Variants in INPP5A observed in about 807,000 individuals in gnomAD.
The protein encoded by INPP5A is inositol polyphosphate-5-phosphatase A, also known as 43 kDa inositol polyphosphate 5-phophatase.
Under a neutral mutation model 65.2 loss-of-function variants are expected in INPP5A, and 14 were observed. That is an observed-to-expected ratio of 0.21 (90% confidence interval 0.14 to 0.34). The LOEUF is 0.34. Among genes scored for constraint, INPP5A ranks in the 10% least tolerant of loss-of-function variants. INPP5A has a pLI of 1.00. For missense variants in INPP5A, 431 were observed against 545.6 expected (o/e 0.79, Z 2.09); for synonymous variants, 207 against 208.3 (o/e 0.99, Z 0.05).
At position 132,537,989 on chromosome 10, in the gene INPP5A, C is replaced by T. The variant is rs2070860785; in HGVS notation, c.-108C>T. The T allele has an allele frequency of 1.4e-5, 5 of 346,086 alleles. No individual in the cohort carries two copies. Among genetic ancestry groups the T allele is most frequent in the African/African-American group, 4.5e-5 (2 of 44,390 alleles). The allele number at this position is 346,086 out of a possible 1,614,324, so 21.4% of individuals were successfully genotyped here. A position where few individuals can be genotyped will look rare whatever the true frequency, so the allele number is the denominator to read the frequency against. ...CGCGATGCGCCCCGGGGCCGCCCCC[C>T]GGCGCAGCTGACGCCCCGCGGCCCC... On this transcript the variant is annotated 5_prime_UTR_variant, in exon 1 of 16. Coordinates refer to ENST00000368594, the MANE Select transcript of INPP5A (RefSeq NM_005539.5).
rs1398034519 is a variant in INPP5A at position 132,651,023 on chromosome 10, A to T, written c.306+518A>T. Among the ~76,000 whole-genome samples, 1 of 151,946 alleles carries T rather than the reference A, an allele frequency of 6.6e-6. No individual in the cohort carries two copies. Among genetic ancestry groups the T allele is most frequent in the African/African-American group, 2.4e-5 (1 of 41,348 alleles). On this transcript the variant is annotated intron_variant, in intron 4 of 15. Coordinates refer to ENST00000368594, the MANE Select transcript of INPP5A (RefSeq NM_005539.5). The surrounding 1 kb of genome is among the most constrained non-coding windows in gnomAD (Gnocchi z 5.0). Reference sequence around the variant, plus strand: ...AGAGCCTTCCACAGGGCTGGGAAAGACCTGTCCCTCCTCTGCGGTCCTCTG... The same window carrying T: ...AGAGCCTTCCACAGGGCTGGGAAAGTCCTGTCCCTCCTCTGCGGTCCTCTG...
rs372646744 is a variant in INPP5A, at chr10:132,551,095, A to G, written c.75+12924A>G. On this transcript the variant is annotated intron_variant, in intron 1 of 15. Transcript: ENST00000368594. This position sits in a 1 kb window ranked among gnomAD's most constrained non-coding sequence, Gnocchi z 5.3. ...CCTGCCTGAGCCCACTGAGCAGATGATGGGGATGAGGCCCAGAGTGCGAGC... is the reference window on the plus strand; with the variant it reads ...CCTGCCTGAGCCCACTGAGCAGATGGTGGGGATGAGGCCCAGAGTGCGAGC... Among the ~76,000 whole-genome samples the G allele has an allele frequency of 6.6e-6, 1 of 152,202 alleles. No homozygotes were observed. The highest frequency in any genetic ancestry group is 2.1e-4 in the South Asian group (1 of 4,834).
chr10:132,779,409 C>T (rs773915560), intron 13 of INPP5A, among the ~76,000 whole-genome samples: 6 of 152,268 alleles, frequency 3.9e-5, no homozygotes, highest in Non-Finnish European at 8.8e-5. Flanking sequence ...CCTGGGAAAA[C>T]GTCGGAGGTC....
rs1041012634 is a variant in INPP5A at position 132,551,669 on chromosome 10, G to C, written c.75+13498G>C. On this transcript the variant is annotated intron_variant, in intron 1 of 15. Coordinates refer to ENST00000368594, the MANE Select transcript of INPP5A (RefSeq NM_005539.5). This position sits in a 1 kb window ranked among gnomAD's most constrained non-coding sequence, Gnocchi z 5.3. ...CGGCTGTGCCTCCCTCGCTGCTGCA[G>C]TGGGCAGTGTGTGCGTCGTACACAG... Among the ~76,000 whole-genome samples the C allele has an allele frequency of 6.6e-6, 1 of 152,194 alleles. No homozygotes were observed. The highest frequency in any genetic ancestry group is 2.4e-5 in the African/African-American group (1 of 41,446).
rs767668493 is a variant in INPP5A, at chr10:132,546,462, C to T, written c.75+8291C>T. On this transcript the variant is annotated intron_variant, in intron 1 of 15. Coordinates refer to ENST00000368594, the MANE Select transcript of INPP5A (RefSeq NM_005539.5). The surrounding 1 kb of genome is among the most constrained non-coding windows in gnomAD (Gnocchi z 5.7). ...ACCTTGAGCCGGTTGTCTTCTTGAT[C>T]CTTCTCTCCGACAGGAGTGTGAGAC... is the stretch of plus-strand genomic sequence containing the variant. 3.3e-5 allele frequency among the ~76,000 whole-genome samples: 5 copies of T among 152,110 alleles called. No individual in the cohort carries two copies. The highest frequency in any genetic ancestry group is 3.3e-4 in the Admixed American group (5 of 15,280).
chr10:132,658,185 G>A (rs560529171), intron 4 of INPP5A, among the ~76,000 whole-genome samples: 42 of 152,340 alleles, frequency 2.8e-4, no homozygotes, highest in Middle Eastern at 3.4e-3. Flanking sequence ...TGGGTCAGCC[G>A]AGAAATGGTA....
Position 132,546,236 on chromosome 10 carries a change from G to A in INPP5A, c.75+8065G>A, listed in dbSNP as rs932713972. ...TAGGGTGATGGCGCTCCCAGCCCGC[G>A]GGGGTCTTGGCGTTGGCGCAGAAGT... On this transcript the variant is annotated intron_variant, in intron 1 of 15. Coordinates refer to ENST00000368594, the MANE Select transcript of INPP5A (RefSeq NM_005539.5). This position sits in a 1 kb window ranked among gnomAD's most constrained non-coding sequence, Gnocchi z 5.7. Among the ~76,000 whole-genome samples the A allele has an allele frequency of 3.9e-5, 6 of 152,212 alleles. No homozygotes were observed. Among genetic ancestry groups the A allele is most frequent in the Admixed American group, 6.5e-5 (1 of 15,288 alleles).
At position 132,771,273 on chromosome 10, in the gene INPP5A, T is replaced by A. The variant is rs964186379; in HGVS notation, c.977+5427T>A. 2.0e-5 allele frequency among the ~76,000 whole-genome samples: 3 copies of A among 152,068 alleles called. No individual in the cohort carries two copies. In the East Asian group the frequency reaches 5.8e-4, roughly 29 times the overall value. ...AGCCCAAGACCCCATCTCCCAGGCC[T>A]GGGGTTCAACACAAGGAATCATTTC... On this transcript the variant is annotated intron_variant, in intron 12 of 15. Coordinates refer to ENST00000368594, the MANE Select transcript of INPP5A (RefSeq NM_005539.5).
chr10:132,723,713 C>T (rs1356599276), intron 8 of INPP5A, among the ~76,000 whole-genome samples: 1 of 151,972 alleles, frequency 6.6e-6, no homozygotes, highest in Admixed American at 6.6e-5. Flanking sequence ...GCTTTGGTAT[C>T]TTGTGGTCTC....
At chr10:132,595,171 C>A (rs894658418) in intron 1 of INPP5A, among the ~76,000 whole-genome samples, 2 of 152,212 alleles carry the variant, frequency 1.3e-5, no homozygotes, top group Non-Finnish European at 2.9e-5. Flanking sequence ...GGCACCCTTT[C>A]TGGAGTCCCC....
intron 9 of INPP5A, among the ~76,000 whole-genome samples, chr10:132,732,323 C>T (rs548350027): frequency 6.6e-6 from 1 of 152,256 alleles, no homozygotes; most frequent in African/African-American, 2.4e-5. Flanking sequence ...TTCCTGCCCA[C>T]GTGGCTCTTT....
chr10:132,550,674 G>T lies in INPP5A; in HGVS notation c.75+12503G>T, dbSNP rs375869496. 3.3e-5 allele frequency among the ~76,000 whole-genome samples: 5 copies of T among 152,216 alleles called. No individual in the cohort carries two copies. Among genetic ancestry groups the T allele is most frequent in the African/African-American group, 1.2e-4 (5 of 41,438 alleles). ...TCCACTGTAGGACAGCTGGGAGTGGGGGTGTCTGGCTATTTCACTATTAAA... is the reference window on the plus strand; with the variant it reads ...TCCACTGTAGGACAGCTGGGAGTGGTGGTGTCTGGCTATTTCACTATTAAA... On this transcript the variant is annotated intron_variant, in intron 1 of 15. Coordinates refer to ENST00000368594, the MANE Select transcript of INPP5A (RefSeq NM_005539.5). The surrounding 1 kb of genome is among the most constrained non-coding windows in gnomAD (Gnocchi z 4.2).
Position 132,545,713 on chromosome 10 carries a change from C to A in INPP5A, c.75+7542C>A, listed in dbSNP as rs1226799722. Among the ~76,000 whole-genome samples, 1 of 152,186 alleles carries A rather than the reference C, an allele frequency of 6.6e-6. No individual in the cohort carries two copies. The highest frequency in any genetic ancestry group is 6.5e-5 in the Admixed American group (1 of 15,280). ...TGGGATACTTGGGAATCTCAGAGCC[C>A]GGTGGGAACCAGGAACTGAGCTCAG... is the stretch of plus-strand genomic sequence containing the variant. On this transcript the variant is annotated intron_variant, in intron 1 of 15. Transcript: ENST00000368594. This position sits in a 1 kb window ranked among gnomAD's most constrained non-coding sequence, Gnocchi z 4.6.
In INPP5A at chr10:132,749,705, G is replaced by A; in HGVS notation, c.829-66G>A. 10 of 1,596,418 alleles carry A rather than the reference G, an allele frequency of 6.3e-6. 1 individual carries two copies. The South Asian group carries it at 9.9e-5, about 16-fold the overall frequency. The stretch of plus-strand genomic sequence containing the variant: ...AGCCGCCCTGCCTGCCCGGTTCGGT[G>A]GGGGCTAGGGGACACGCACAAGGCT... On this transcript the variant is annotated intron_variant, in intron 10 of 15. Coordinates refer to ENST00000368594, the MANE Select transcript of INPP5A (RefSeq NM_005539.5).
chr10:132,665,286 A>G (rs978250970), intron 4 of INPP5A, among the ~76,000 whole-genome samples: 8 of 152,250 alleles, frequency 5.3e-5, no homozygotes, highest in Admixed American at 1.3e-4. Context: ...TTGAGAACAC[A>G]GGAAAGCCCC....
chr10:132,562,603 G>A (rs1301738976), intron 1 of INPP5A, among the ~76,000 whole-genome samples: 1 of 152,278 alleles, frequency 6.6e-6, no homozygotes, highest in Non-Finnish European at 1.5e-5. Context: ...CATGGTGCGT[G>A]TTGCACACAC....
chr10:132,641,897 T>C (rs921750016), intron 2 of INPP5A, among the ~76,000 whole-genome samples: 9 of 152,348 alleles, frequency 5.9e-5, no homozygotes, highest in Middle Eastern at 6.8e-3. Flanking sequence ...ATTCTGTGTT[T>C]CTGAAGCGTC....
chr10:132,722,803 T>C (rs1421837683), intron 8 of INPP5A, among the ~76,000 whole-genome samples: 1 of 152,222 alleles, frequency 6.6e-6, no homozygotes, highest in Non-Finnish European at 1.5e-5. Context: ...TTTTTATGGC[T>C]CTTCTTGTAA....
intron 1 of INPP5A, among the ~76,000 whole-genome samples, chr10:132,564,293 CT>C (rs964648282): frequency 6.6e-6 from 1 of 152,134 alleles, no homozygotes; most frequent in Admixed American, 6.5e-5. Context: ...CAGGGGACCT[CT>C]TACGGATCTT....
Sources: gnomAD v4.1 joint callset for allele counts (sites outside exome capture counted in the v4.1 genomes callset) on GRCh38, gnomAD v4.1.1 for gene constraint, Gnocchi (gnomAD v3.1) non-coding constraint, MANE v1.5 for transcripts, NCBI Gene and HGNC (gene_info 2026-07-23, HGNC 2026-07-21) for gene names.